The following EIF2B2 variants were observed in gnomAD, a reference collection of about 807,000 sequenced individuals.
EIF2B2 encodes translation initiation factor eIF2B subunit beta.
Under a neutral mutation model 34.7 loss-of-function variants are expected in EIF2B2, and 34 were observed. The observed-to-expected ratio is 0.98, with a 90% CI of 0.75 to 1.31. EIF2B2 has a LOEUF of 1.31. EIF2B2 is among the 50% of genes most tolerant of loss of function. EIF2B2 has a pLI of 0.00. For missense variants in EIF2B2, 361 were observed against 447.7 expected (o/e 0.81, Z 1.75); for synonymous variants, 155 against 171.6 (o/e 0.90, Z 0.76).
At chr14:75,007,545 T>G (rs1889645177) in intron 6 of EIF2B2, 177 bp from the exon 7 acceptor site, 3 of 562,060 alleles carry the variant, frequency 5.3e-6, no homozygotes, top group Non-Finnish European at 9.5e-6. Context: ...AATTTATTAA[T>G]CCATTCATCT....
chr14:75,008,914 G>C (rs1219055939), intron 7 of EIF2B2, 117 bp from the exon 8 acceptor site: 2 of 1,389,646 alleles, frequency 1.4e-6, no homozygotes, highest in African/African-American at 1.4e-5. Context: ...TTTTTCCATA[G>C]CTTCCCGTCC....
At chr14:75,004,691 T>TATATATATA (rs1566872954) in intron 3 of EIF2B2, 46 bp from the exon 4 acceptor site, 3 of 62,718 alleles carry the variant, frequency 4.8e-5, no homozygotes, top group East Asian at 1.6e-3. Flanking sequence ...ATATATATAT[T>TATATATATA]TTTTTTTTTT....
At chr14:75,007,018 G>A (rs771007808) in intron 6 of EIF2B2, 3 of 534,820 alleles carry the variant, frequency 5.6e-6, no homozygotes, top group Non-Finnish European at 3.6e-6. Context: ...ATGCCAAGCA[G>A]GTTGAAAGTA....
chr14:75,004,850 CG>C lies in EIF2B2; in HGVS notation c.548del (p.Arg183GlnfsTer9), dbSNP rs113994010. On this transcript the variant is annotated frameshift_variant, in exon 4 of 8. Coordinates refer to ENST00000266126, the MANE Select transcript of EIF2B2 (RefSeq NM_014239.4). LOFTEE classifies it high-confidence loss of function. ...AGAGGCCTTCCTCAAAGAGGCTGCC[CG>C]AAAGAGGAAATTCCATGTCATTGTA... ...TVEAFLKEAA[R>X]KRKFHVIVAE... is the part of the protein sequence containing the mutation. 5.0e-6 allele frequency: 8 copies of C among 1,612,766 alleles called. No homozygotes were observed. The highest frequency in any genetic ancestry group is 5.9e-6 in the Non-Finnish European group (7 of 1,179,734).
At chr14:75,007,224 A>G (rs533083275) in intron 6 of EIF2B2, 1 of 386,014 alleles carries the variant, frequency 2.6e-6, no homozygotes, top group Admixed American at 3.3e-5. Flanking sequence ...TAAAGTATAC[A>G]ATTTAGTGAT....
At chr14:75,008,292 G>A (rs1595010681) in intron 7 of EIF2B2, 2 of 190,286 alleles carry the variant, frequency 1.1e-5, no homozygotes, top group Admixed American at 5.3e-5. Context: ...CATCAGCAAG[G>A]GTGGCCTTAC....
In EIF2B2 at chr14:75,010,815, ACT is replaced by A. The variant is rs1889694162; in HGVS notation, c.*1630_*1631del. On this transcript the variant is annotated 3_prime_UTR_variant, in exon 8 of 8. Coordinates refer to ENST00000266126, the MANE Select transcript of EIF2B2 (RefSeq NM_014239.4). ...AGATTTGCAAGGAAGTCCATTTGAT[ACT>A]CTGTTAGTTAAAAACAAGCTGGGGA... 1 of 152,126 alleles carries A rather than the reference ACT, an allele frequency of 6.6e-6. No homozygotes were observed. The highest frequency in any genetic ancestry group is 2.1e-4 in the South Asian group (1 of 4,834). The allele number at this position is 152,126 out of a possible 1,614,324, so 9.4% of individuals were successfully genotyped here.
chr14:75,008,281 T>A (rs1360438288), intron 7 of EIF2B2: 1 of 192,472 alleles, frequency 5.2e-6, no homozygotes, highest in Non-Finnish European at 1.1e-5. Flanking sequence ...GCGTGCAGCC[T>A]CATCAGCAAG....
In EIF2B2 at chr14:75,009,357, C is replaced by A; in HGVS notation, c.*169C>A. 1.3e-6 allele frequency: 1 copy of A among 756,550 alleles called. No individual in the cohort carries two copies. The highest frequency in any genetic ancestry group is 1.5e-5 in the South Asian group (1 of 65,364). 46.9% of individuals were successfully genotyped at this position (756,550 alleles called of 1,614,324 possible). ...CTTTTTAGTCACCCCGTAACAAGGGCACACATCCAGGACTGTGTCTTGCCT... is the reference window on the plus strand; with the variant it reads ...CTTTTTAGTCACCCCGTAACAAGGGAACACATCCAGGACTGTGTCTTGCCT... On this transcript the variant is annotated 3_prime_UTR_variant, in exon 8 of 8. Transcript: ENST00000266126.
Position 75,003,257 on chromosome 14 carries a change from C to T in EIF2B2, c.164-18C>T, listed in dbSNP as rs1431514492. The T allele has an allele frequency of 1.2e-6, 2 of 1,613,632 alleles. No individual in the cohort carries two copies. Among genetic ancestry groups the T allele is most frequent in the Non-Finnish European group, 1.7e-6 (2 of 1,180,018 alleles). On this transcript the variant is annotated intron_variant, in intron 1 of 7. Coordinates refer to ENST00000266126, the MANE Select transcript of EIF2B2 (RefSeq NM_014239.4). ...ACTTCGCGTTGGCTCCTCTTATCCT[C>T]TCTCTTTTGGACTGTAGGGGAGCTG...
chr14:75,009,163 A>C lies in EIF2B2; in HGVS notation c.1031A>C (p.Tyr344Ser). The C allele has an allele frequency of 1.9e-6, 3 of 1,614,004 alleles. No homozygotes were observed. Among genetic ancestry groups the C allele is most frequent in the Non-Finnish European group, 2.5e-6 (3 of 1,179,962 alleles). Residue 344 changes from tyrosine to serine, a missense_variant, in exon 8 of 8, where the codon TAC becomes TCC. Coordinates refer to ENST00000266126, the MANE Select transcript of EIF2B2 (RefSeq NM_014239.4). ...SYIYRLMSEL[Y>S]HPDDHVL The stretch of plus-strand genomic sequence containing the variant: ...ATCTACCGCCTGATGAGTGAACTCT[A>C]CCATCCTGATGATCATGTTTTATGA...
rs773695426 is a variant in EIF2B2 at position 75,002,995 on chromosome 14, C to T, written c.5C>T (p.Pro2Leu). 3.7e-6 allele frequency: 6 copies of T among 1,614,046 alleles called. No individual in the cohort carries two copies. The highest frequency in any genetic ancestry group is 4.2e-6 in the Non-Finnish European group (5 of 1,180,010). M[P>L]GSAAKGSELS... Reference sequence around the variant, plus strand: ...CTGAAGGCAGCTACCTTAAAGATGCCGGGATCCGCAGCGAAGGGCTCGGAG... The same window carrying T: ...CTGAAGGCAGCTACCTTAAAGATGCTGGGATCCGCAGCGAAGGGCTCGGAG... Residue 2 changes from proline (P) to leucine (L), a missense_variant, in exon 1 of 8, where the codon CCG becomes CTG. Pro to Leu is a moderately conservative substitution (Grantham distance 98). Transcript: ENST00000266126.
Position 75,003,124 on chromosome 14 carries a change from T to C in EIF2B2, c.134T>C (p.Ile45Thr). Residue 45 changes from isoleucine to threonine, a missense_variant, in exon 1 of 8, where the codon ATC becomes ACC. Transcript: ENST00000266126. ...ARETLGLLRQ[I>T]ITDHRWSNAG... ...GAGACCCTAGGGTTGCTGCGCCAGA[T>C]CATCACGGACCACCGCTGGAGCAAC... is the stretch of plus-strand genomic sequence containing the variant. The C allele has an allele frequency of 1.2e-6, 2 of 1,613,294 alleles. No homozygotes were observed. Among genetic ancestry groups the C allele is most frequent in the Non-Finnish European group, 8.5e-7 (1 of 1,179,884 alleles).
At position 75,004,821 on chromosome 14, in the gene EIF2B2, C is replaced by T; in HGVS notation, c.518C>T (p.Thr173Ile). Reference sequence around the variant, plus strand: ...ATCATGACCATTGGCTTCTCCCGAACAGTAGAGGCCTTCCTCAAAGAGGCT... The same window carrying T: ...ATCATGACCATTGGCTTCTCCCGAATAGTAGAGGCCTTCCTCAAAGAGGCT... ...EVIMTIGFSRTVEAFLKEAAR... is the reference protein window; with the variant it reads ...EVIMTIGFSRIVEAFLKEAAR... The change falls in exon 4 of 8, where the codon ACA becomes ATA. Residue 173 changes from threonine to isoleucine, a missense_variant. Physicochemically the swap from Thr to Ile is moderately conservative, Grantham distance 89 (BLOSUM62 -1). Coordinates refer to ENST00000266126, the MANE Select transcript of EIF2B2 (RefSeq NM_014239.4). 1 of 1,611,602 alleles carries T rather than the reference C, an allele frequency of 6.2e-7. No individual in the cohort carries two copies. The highest frequency in any genetic ancestry group is 1.3e-5 in the African/African-American group (1 of 74,102).
rs376012405 is a variant in EIF2B2 at position 75,004,689 on chromosome 14, ATTTTTTTTTTTTT to A, written c.434-31_434-19del. The A allele has an allele frequency of 9.0e-4, 140 of 155,302 alleles. 17 individuals are homozygous for A. Among genetic ancestry groups the A allele is most frequent in the South Asian group, 4.2e-3 (30 of 7,112 alleles). 9.6% of individuals were successfully genotyped at this position (155,302 alleles called of 1,614,324 possible). A position where few individuals can be genotyped will look rare whatever the true frequency, so the allele number is the denominator to read the frequency against. ...TTCATATATATATATATATATATAT[ATTTTTTTTTTTTT>A]TTTTTTTTTTTTTTTTGCAAAACCG... On this transcript the variant is annotated intron_variant, in intron 3 of 7. Transcript: ENST00000266126.
In EIF2B2 at chr14:75,011,232, A is replaced by C. The variant is rs912693477; in HGVS notation, c.*2044A>C. On this transcript the variant is annotated 3_prime_UTR_variant, in exon 8 of 8. Coordinates refer to ENST00000266126, the MANE Select transcript of EIF2B2 (RefSeq NM_014239.4). ...CAAAATTATATGTACACGCATAGGG[A>C]AACAGTATAGAAGTATAATACCAAG... is the stretch of plus-strand genomic sequence containing the variant. 4 of 152,136 alleles carry C rather than the reference A, an allele frequency of 2.6e-5. No individual in the cohort carries two copies. The highest frequency in any genetic ancestry group is 4.8e-5 in the African/African-American group (2 of 41,426). 9.4% of individuals were successfully genotyped at this position (152,136 alleles called of 1,614,324 possible). A position where few individuals can be genotyped will look rare whatever the true frequency, so the allele number is the denominator to read the frequency against.
chr14:75,006,288 A>G lies in EIF2B2; in HGVS notation c.694-289A>G. The stretch of plus-strand genomic sequence containing the variant: ...AGAGCTTGGCAGTTGTGGATAGTGA[A>G]TGAAAAAGATTCCTGGCTTCTCAGA... On this transcript the variant is annotated intron_variant, in intron 5 of 7. Transcript: ENST00000266126. The surrounding 1 kb of genome is among the most constrained non-coding windows in gnomAD (Gnocchi z 4.1). The G allele has an allele frequency of 1.8e-6, 1 of 546,018 alleles. No individual in the cohort carries two copies. The highest frequency in any genetic ancestry group is 3.1e-5 in the Admixed American group (1 of 31,968). The allele number at this position is 546,018 out of a possible 1,614,324, so 33.8% of individuals were successfully genotyped here.
At chr14:75,005,238 G>A (rs1194503426) in intron 4 of EIF2B2, 6 of 346,552 alleles carry the variant, frequency 1.7e-5, no homozygotes, top group East Asian at 7.4e-5. Flanking sequence ...TTAGCTGGGC[G>A]TGGTGGCACA....
In EIF2B2 at chr14:75,005,313, G is replaced by A. The variant is rs146840061; in HGVS notation, c.597+413G>A. 6.1e-3 allele frequency among the ~76,000 whole-genome samples: 928 copies of A among 151,790 alleles called. 7 individuals carry two copies. Among genetic ancestry groups the A allele is most frequent in the Middle Eastern group, 0.014 (4 of 292 alleles). On this transcript the variant is annotated intron_variant, in intron 4 of 7. Transcript: ENST00000266126. Reference sequence around the variant, plus strand: ...AATTGCTTGAACCTGGAAGGCAGAGGTTGCAATGAGCCAAGATAGCGCCAC... The same window carrying A: ...AATTGCTTGAACCTGGAAGGCAGAGATTGCAATGAGCCAAGATAGCGCCAC...
Sources: gnomAD v4.1 joint callset for allele counts (sites outside exome capture counted in the v4.1 genomes callset) on GRCh38, gnomAD v4.1.1 for gene constraint, Gnocchi (gnomAD v3.1) non-coding constraint, MANE v1.5 for transcripts, NCBI Gene and HGNC (gene_info 2026-07-23, HGNC 2026-07-21) for gene names.